Variants in CYFIP2 observed in about 807,000 individuals in gnomAD.
CYFIP2 encodes the protein cytoplasmic FMR1 interacting protein 2.
Under a neutral mutation model 158.7 loss-of-function variants are expected in CYFIP2, and 29 were observed. The observed-to-expected ratio is 0.18, with a 90% CI of 0.14 to 0.25. The LOEUF (loss-of-function observed/expected upper bound fraction) is 0.25. Ranked by LOEUF, CYFIP2 falls within the 10% of genes least tolerant of loss-of-function variation. CYFIP2 has a pLI of 1.00. For missense variants in CYFIP2, 852 were observed against 1,639.5 expected, an observed-to-expected ratio of 0.52 and a Z score of 8.29; for synonymous variants, 585 against 617.6, an observed-to-expected ratio of 0.95 and a Z score of 0.78.
At position 157,320,812 on chromosome 5, in the gene CYFIP2, T is replaced by G; in HGVS notation, c.1671+10T>G. ...GCCATCCAGCACACAGGTAAGCGGC[T>G]CCAGGCACAGGCCAGCTGCGTTGAC... On this transcript the variant is annotated intron_variant, in intron 15 of 30. Coordinates refer to ENST00000620254, the MANE Select transcript of CYFIP2 (RefSeq NM_001037333.3). 2 of 1,561,646 alleles carry G rather than the reference T, an allele frequency of 1.3e-6. No homozygotes were observed. Among genetic ancestry groups the G allele is most frequent in the Non-Finnish European group, 1.7e-6 (2 of 1,155,074 alleles).
At chr5:157,375,425 C>T (rs1356272074) in intron 26 of CYFIP2, among the ~76,000 whole-genome samples, 1 of 152,120 alleles carries the variant, frequency 6.6e-6, no homozygotes, top group African/African-American at 2.4e-5. Context: ...CTCTCTCAGC[C>T]TGATTTCAGG....
Position 157,311,869 on chromosome 5 carries a change from A to T in CYFIP2, c.1110+88A>T. On this transcript the variant is annotated intron_variant, in intron 11 of 30. Coordinates refer to ENST00000620254, the MANE Select transcript of CYFIP2 (RefSeq NM_001037333.3). The surrounding 1 kb of genome is among the most constrained non-coding windows in gnomAD (Gnocchi z 4.7). ...GCCAGGAAAGAACATGGACCCACGG[A>T]ACACTGGAGAGTAGAAGGGAGGGAG... 2 of 1,233,924 alleles carry T rather than the reference A, an allele frequency of 1.6e-6. No homozygotes were observed. Among genetic ancestry groups the T allele is most frequent in the Non-Finnish European group, 2.3e-6 (2 of 868,948 alleles). 76.4% of individuals were successfully genotyped at this position (1,233,924 alleles called of 1,614,324 possible).
chr5:157,309,676 T>C, intron 9 of CYFIP2, 67 bp from the exon 10 acceptor site: 1 of 1,388,340 alleles, frequency 7.2e-7, no homozygotes, highest in African/African-American at 1.4e-5. Context: ...CACAGTGGGG[T>C]GGCAGCGAAG....
chr5:157,319,086 G>T (rs1581049104), intron 13 of CYFIP2, among the ~76,000 whole-genome samples: 1 of 152,168 alleles, frequency 6.6e-6, no homozygotes, highest in African/African-American at 2.4e-5. Flanking sequence ...TAGAAGGGAG[G>T]CCACATACTT....
intron 23 of CYFIP2, among the ~76,000 whole-genome samples, chr5:157,353,510 A>G (rs1053094128): frequency 4.6e-5 from 7 of 152,322 alleles, no homozygotes; most frequent in South Asian, 2.1e-4. Flanking sequence ...TGGCCCCCCA[A>G]ATGTCAAGAA....
At chr5:157,372,282 G>A (rs77587638) in intron 26 of CYFIP2, among the ~76,000 whole-genome samples, 1,905 of 152,262 alleles carry the variant, frequency 0.013, 19 homozygotes, top group Non-Finnish European at 0.02. Flanking sequence ...TTGTTTTTAG[G>A]AGTTGCATGC....
chr5:157,366,298 G>A (rs1016653625), intron 26 of CYFIP2, among the ~76,000 whole-genome samples: 20 of 152,036 alleles, frequency 1.3e-4, no homozygotes, highest in African/African-American at 4.8e-4. Context: ...ATGGATTTGT[G>A]GCCATTATAT....
At chr5:157,391,832 A>AT (rs139659989) in intron 30 of CYFIP2, among the ~76,000 whole-genome samples, 49,665 of 151,830 alleles carry the variant, frequency 0.33, 8,474 homozygotes, top group East Asian at 0.68. Context: ...TCTATGTTTA[A>AT]CTTTTTAGAA....
At chr5:157,327,051 C>T (rs1218628701) in intron 18 of CYFIP2, among the ~76,000 whole-genome samples, 1 of 152,184 alleles carries the variant, frequency 6.6e-6, no homozygotes, top group Non-Finnish European at 1.5e-5. Context: ...TCTTACCTAG[C>T]TACTGCCTTT....
chr5:157,381,531 A>AAAG, intron 26 of CYFIP2, among the ~76,000 whole-genome samples: 1 of 140,408 alleles, frequency 7.1e-6, no homozygotes, highest in Non-Finnish European at 1.5e-5. Context: ...CCGTTTCACA[A>AAAG]AAAAAAAAAA....
At chr5:157,382,862 A>T (rs949486811) in intron 27 of CYFIP2, among the ~76,000 whole-genome samples, 200 bp downstream of exon 27, 15 of 152,216 alleles carry the variant, frequency 9.9e-5, no homozygotes, top group Admixed American at 9.8e-4. Flanking sequence ...CCAACCAGAC[A>T]GACTCTGAGG....
At position 157,369,879 on chromosome 5, in the gene CYFIP2, G is replaced by GTTTTTT. The variant is rs1554120265; in HGVS notation, c.3039+8295_3039+8300dup. Among the ~76,000 whole-genome samples, 88 of 103,244 alleles carry GTTTTTT rather than the reference G, an allele frequency of 8.5e-4. 1 individual carries two copies. The highest frequency in any genetic ancestry group is 3.7e-3 in the Admixed American group (37 of 10,094). 67.7% of individuals were successfully genotyped at this position (103,244 alleles called of 152,430 possible). A position where few individuals can be genotyped will look rare whatever the true frequency, so the allele number is the denominator to read the frequency against. Reference sequence around the variant, plus strand: ...AACAAAATCCTTGAGAATGGACCTAGTTTTTTTTTTTTTTTTTTTAAAGAC... The same window carrying GTTTTTT: ...AACAAAATCCTTGAGAATGGACCTAGTTTTTTTTTTTTTTTTTTTTTTTTTAAAGAC... On this transcript the variant is annotated intron_variant, in intron 26 of 30. Coordinates refer to ENST00000620254, the MANE Select transcript of CYFIP2 (RefSeq NM_001037333.3).
chr5:157,313,685 C>T (rs1178011387), intron 11 of CYFIP2, among the ~76,000 whole-genome samples: 1 of 152,018 alleles, frequency 6.6e-6, no homozygotes, highest in Non-Finnish European at 1.5e-5. Context: ...CAGAATCCGC[C>T]AATAATGAGG....
At chr5:157,321,066 T>C (rs1310608836) in intron 15 of CYFIP2, among the ~76,000 whole-genome samples, 1 of 152,246 alleles carries the variant, frequency 6.6e-6, no homozygotes, top group Non-Finnish European at 1.5e-5. Flanking sequence ...GCCTCAGTTG[T>C]TTAAACTGGC....
At chr5:157,317,368 A>G (rs1336843780) in intron 13 of CYFIP2, among the ~76,000 whole-genome samples, 1 of 152,256 alleles carries the variant, frequency 6.6e-6, no homozygotes, top group Admixed American at 6.5e-5. Context: ...ATGTTATTCC[A>G]TTCTGAATCC....
chr5:157,381,976 T>C (rs1052828696), intron 26 of CYFIP2, among the ~76,000 whole-genome samples: 3 of 152,198 alleles, frequency 2.0e-5, no homozygotes, highest in African/African-American at 4.8e-5. Flanking sequence ...TGAGACCCTA[T>C]CTCCCGTCTT....
intron 3 of CYFIP2, among the ~76,000 whole-genome samples, chr5:157,291,701 T>C (rs1017125982): frequency 6.6e-6 from 1 of 152,238 alleles, no homozygotes; most frequent in African/African-American, 2.4e-5. Flanking sequence ...GTTACTGATT[T>C]TTAAAGTTCT....
At chr5:157,304,086 G>T (rs1459631285) in intron 7 of CYFIP2, among the ~76,000 whole-genome samples, 152 bp from the exon 8 acceptor site, 1 of 152,168 alleles carries the variant, frequency 6.6e-6, no homozygotes, top group Non-Finnish European at 1.5e-5. Context: ...CAGGCATCAG[G>T]TGCCAGCTGG....
At chr5:157,356,003 C>T (rs767790101) in intron 23 of CYFIP2, among the ~76,000 whole-genome samples, 1 of 152,330 alleles carries the variant, frequency 6.6e-6, no homozygotes, top group Non-Finnish European at 1.5e-5. Context: ...TATGACATAG[C>T]TCAGTGGGAT....
Sources: gnomAD v4.1 joint callset for allele counts (sites outside exome capture counted in the v4.1 genomes callset) on GRCh38, gnomAD v4.1.1 for gene constraint, Gnocchi (gnomAD v3.1) non-coding constraint, MANE v1.5 for transcripts, NCBI Gene and HGNC (gene_info 2026-07-23, HGNC 2026-07-21) for gene names.